The following ST6GALNAC3 variants were observed in gnomAD, a reference collection of about 807,000 sequenced individuals.
The protein encoded by ST6GALNAC3 is ST6 N-acetylgalactosaminide alpha-2,6-sialyltransferase 3, also known as alpha-N-acetylgalactosaminide alpha-2,6-sialyltransferase 3.
ST6GALNAC3 carries 25 observed loss-of-function variants against 32.7 expected under a neutral mutation model. The ratio of observed to expected loss-of-function variants is 0.76; its 90% CI spans 0.56 to 1.07. The LOEUF (loss-of-function observed/expected upper bound fraction) is 1.07. Among genes scored for constraint, ST6GALNAC3 ranks in the 50% least tolerant of loss-of-function variants. The pLI is 0.00. For synonymous variants in ST6GALNAC3, 129 were observed against 133.1 expected, an observed-to-expected ratio of 0.97 and a Z score of 0.21; for missense variants, 355 against 382.4, an observed-to-expected ratio of 0.93 and a Z score of 0.60.
At chr1:76,444,206 A>G (rs188856057) in intron 3 of ST6GALNAC3, among the ~76,000 whole-genome samples, 14 of 152,318 alleles carry the variant, frequency 9.2e-5, no homozygotes, top group Admixed American at 2.0e-4. Flanking sequence ...TTATCTTTCT[A>G]AAAGTGCACC....
At chr1:76,474,317 T>C (rs1659214313) in intron 3 of ST6GALNAC3, among the ~76,000 whole-genome samples, 1 of 152,000 alleles carries the variant, frequency 6.6e-6, no homozygotes, top group Non-Finnish European at 1.5e-5. Context: ...TGTCAGGCAA[T>C]GAGCTGGAAA....
chr1:76,392,700 C>G (rs923232841), intron 2 of ST6GALNAC3, among the ~76,000 whole-genome samples: 9 of 152,094 alleles, frequency 5.9e-5, no homozygotes, highest in African/African-American at 2.2e-4. Flanking sequence ...GGTTTGGTGG[C>G]AATGTCATCC....
chr1:76,586,289 C>T (rs1646961644), intron 3 of ST6GALNAC3, among the ~76,000 whole-genome samples: 1 of 152,194 alleles, frequency 6.6e-6, no homozygotes, highest in African/African-American at 2.4e-5. Flanking sequence ...CCTTCTTGCA[C>T]TGCGGAGTGA....
At chr1:76,178,986 A>G (rs969413025) in intron 1 of ST6GALNAC3, among the ~76,000 whole-genome samples, 6 of 148,088 alleles carry the variant, frequency 4.1e-5, no homozygotes, top group East Asian at 3.9e-4. Context: ...CCCCGGAACT[A>G]TTGCTCTGAG....
chr1:76,576,749 G>C, intron 3 of ST6GALNAC3: 1 of 951,620 alleles, frequency 1.1e-6, no homozygotes, highest in Non-Finnish European at 1.5e-6. Context: ...TTTCACAGTA[G>C]GTATAAGGAA....
chr1:76,348,592 T>C (rs12060625), intron 2 of ST6GALNAC3, among the ~76,000 whole-genome samples: 28,750 of 152,142 alleles, frequency 0.19, 3,417 homozygotes, highest in Admixed American at 0.3. Context: ...ACTTTTTTTC[T>C]TTCCTGAAAA....
At chr1:76,334,287 C>T (rs1201975612) in intron 2 of ST6GALNAC3, among the ~76,000 whole-genome samples, 1 of 152,194 alleles carries the variant, frequency 6.6e-6, no homozygotes, top group African/African-American at 2.4e-5. Flanking sequence ...CTAGTTTGAA[C>T]TCAAGGTGAT....
At chr1:76,585,172 G>A in intron 3 of ST6GALNAC3, among the ~76,000 whole-genome samples, 1 of 152,064 alleles carries the variant, frequency 6.6e-6, no homozygotes. Context: ...ATCACCTGAG[G>A]TCAGGAGTTC....
At chr1:76,102,235 T>TTGTGTGTGTGTGTG (rs60454163) in intron 1 of ST6GALNAC3, among the ~76,000 whole-genome samples, 27 of 147,426 alleles carry the variant, frequency 1.8e-4, no homozygotes, top group African/African-American at 6.5e-4. Flanking sequence ...CCTGGTGTGT[T>TTGTGTGTGTGTGTG]TGTGTGTGTG....
intron 1 of ST6GALNAC3, among the ~76,000 whole-genome samples, chr1:76,126,807 C>T (rs1328039721): frequency 6.6e-6 from 1 of 152,184 alleles, no homozygotes; most frequent in Non-Finnish European, 1.5e-5. Context: ...GCCTCACTCC[C>T]AGTGGGCTTT....
rs1465832608 is a variant in ST6GALNAC3 at position 76,241,383 on chromosome 1, A to G, written c.19-72422A>G. Among the ~76,000 whole-genome samples, 3 of 152,198 alleles carry G rather than the reference A, an allele frequency of 2.0e-5. No individual in the cohort carries two copies. In the East Asian group the frequency reaches 5.8e-4, roughly 29 times the overall value. On this transcript the variant is annotated intron_variant, in intron 1 of 4. Coordinates refer to ENST00000328299, the MANE Select transcript of ST6GALNAC3 (RefSeq NM_152996.4). ...AGTGAAGCAGAACCAGTGTGTGCAGAGATCACATAGTGAGAGAGGAAGCAA... is the reference window on the plus strand; with the variant it reads ...AGTGAAGCAGAACCAGTGTGTGCAGGGATCACATAGTGAGAGAGGAAGCAA...
intron 3 of ST6GALNAC3, among the ~76,000 whole-genome samples, chr1:76,611,498 T>G (rs572740854): frequency 6.6e-6 from 1 of 152,112 alleles, no homozygotes; most frequent in Non-Finnish European, 1.5e-5. Context: ...TAGAGGAAAA[T>G]AGTGGTGATC....
intron 3 of ST6GALNAC3, among the ~76,000 whole-genome samples, chr1:76,584,030 G>T (rs1334495514): frequency 1.3e-5 from 2 of 152,094 alleles, no homozygotes; most frequent in South Asian, 4.2e-4. Flanking sequence ...TGTTTATTGG[G>T]CACTTGCTTA....
Position 76,096,680 on chromosome 1 carries a change from T to C in ST6GALNAC3, c.18+21796T>C, listed in dbSNP as rs1322035447. On this transcript the variant is annotated intron_variant, in intron 1 of 4. Transcript: ENST00000328299. The stretch of plus-strand genomic sequence containing the variant: ...AATGATTTATCATGAAGTGAATATA[T>C]TGATGATTGCTGCCGTTAACAAGGT... Among the ~76,000 whole-genome samples, 4 of 152,000 alleles carry C rather than the reference T, an allele frequency of 2.6e-5. No homozygotes were observed. The South Asian group carries it at 6.2e-4, about 24-fold the overall frequency.
intron 1 of ST6GALNAC3, among the ~76,000 whole-genome samples, chr1:76,250,520 G>A (rs569958083): frequency 1.2e-4 from 18 of 152,300 alleles, no homozygotes; most frequent in African/African-American, 4.1e-4. Flanking sequence ...TGGAAAGTAA[G>A]CAGAGGCCTT....
At chr1:76,578,797 T>C (rs780274158) in intron 3 of ST6GALNAC3, among the ~76,000 whole-genome samples, 1 of 151,998 alleles carries the variant, frequency 6.6e-6, no homozygotes, top group African/African-American at 2.4e-5. Flanking sequence ...TTTGTGCTAA[T>C]TGAAATATTG....
chr1:76,370,097 C>G (rs1227897373), intron 2 of ST6GALNAC3, among the ~76,000 whole-genome samples: 1 of 152,134 alleles, frequency 6.6e-6, no homozygotes, highest in South Asian at 2.1e-4. Flanking sequence ...GATAAAGCAG[C>G]AGGACCGCAG....
intron 3 of ST6GALNAC3, among the ~76,000 whole-genome samples, chr1:76,550,771 A>T (rs993343681): frequency 1.3e-5 from 2 of 151,848 alleles, no homozygotes; most frequent in Admixed American, 1.3e-4. Context: ...GTTTTTTGAG[A>T]CGGAGTTTTG....
chr1:76,183,856 A>ATATATATATG (rs1237573682), intron 1 of ST6GALNAC3, among the ~76,000 whole-genome samples: 2 of 145,356 alleles, frequency 1.4e-5, no homozygotes, highest in Non-Finnish European at 3.0e-5. Flanking sequence ...GCATGAATAT[A>ATATATATATG]TATATATATA....
Sources: allele counts gnomAD v4.1 joint callset (sites outside exome capture counted in the v4.1 genomes callset), GRCh38; gene constraint gnomAD v4.1.1; transcripts MANE v1.5; gene names NCBI Gene and HGNC (gene_info 2026-07-23, HGNC 2026-07-21).